Variants in PLA2G4A observed in about 807,000 individuals in gnomAD.
PLA2G4A encodes the protein cytosolic phospholipase A2.
Under a neutral mutation model 81.9 loss-of-function variants are expected in PLA2G4A, and 40 were observed. The observed-to-expected ratio is 0.49, with a 90% CI of 0.38 to 0.64. The LOEUF (loss-of-function observed/expected upper bound fraction) is 0.64. Among genes scored for constraint, PLA2G4A ranks in the 30% least tolerant of loss-of-function variants. The probability of loss-of-function intolerance (pLI) is 0.00; values close to 1 mark genes in which losing one functional copy is unlikely to be tolerated. For synonymous variants in PLA2G4A, 302 were observed against 296.9 expected (o/e 1.02, Z -0.18); for missense variants, 715 against 905.1 (o/e 0.79, Z 2.69).
chr1:186,870,599 G>T, intron 3 of PLA2G4A, 83 bp downstream of exon 3: 1 of 1,180,664 alleles, frequency 8.5e-7, no homozygotes, highest in South Asian at 1.3e-5. Flanking sequence ...CAAATCGGAG[G>T]TTCTGCCTTC....
chr1:186,912,297 C>T (rs1402061366), intron 7 of PLA2G4A, among the ~76,000 whole-genome samples: 1 of 152,160 alleles, frequency 6.6e-6, no homozygotes, highest in African/African-American at 2.4e-5. Flanking sequence ...ATCAGTGAAC[C>T]CACATTGACA....
intron 3 of PLA2G4A, among the ~76,000 whole-genome samples, chr1:186,872,000 C>T (rs1367015981): frequency 1.3e-5 from 2 of 151,808 alleles, no homozygotes; most frequent in East Asian, 3.9e-4. Context: ...GAGGAGAGTC[C>T]AGGAAGTTGG....
chr1:186,891,183 A>G (rs546302883), intron 3 of PLA2G4A, among the ~76,000 whole-genome samples: 1 of 151,642 alleles, frequency 6.6e-6, no homozygotes, highest in Admixed American at 6.6e-5. Context: ...ATGGGTACAT[A>G]GTAGGTGTAT....
chr1:186,863,415 T>C (rs1652886353), intron 2 of PLA2G4A, among the ~76,000 whole-genome samples: 1 of 152,214 alleles, frequency 6.6e-6, no homozygotes, highest in African/African-American at 2.4e-5. Flanking sequence ...TGTTCCATTG[T>C]ATTATACATT....
At chr1:186,974,183 TTC>T (rs1225318170) in intron 15 of PLA2G4A, among the ~76,000 whole-genome samples, 5 of 152,166 alleles carry the variant, frequency 3.3e-5, no homozygotes, top group African/African-American at 1.2e-4. Flanking sequence ...TTGAATATAT[TTC>T]TGTTATTTAC....
chr1:186,935,064 C>T (rs1655893351), intron 8 of PLA2G4A, among the ~76,000 whole-genome samples: 1 of 151,664 alleles, frequency 6.6e-6, no homozygotes, highest in African/African-American at 2.4e-5. Flanking sequence ...ATGGAGACTG[C>T]AAATAAGCTG....
chr1:186,886,452 A>G (rs1653941448), intron 3 of PLA2G4A, among the ~76,000 whole-genome samples: 1 of 152,192 alleles, frequency 6.6e-6, no homozygotes, highest in South Asian at 2.1e-4. Context: ...AAAGGTTGAC[A>G]ATCGTAAAAG....
chr1:186,835,196 G>T (rs1439694579), intron 1 of PLA2G4A, among the ~76,000 whole-genome samples: 2 of 152,094 alleles, frequency 1.3e-5, no homozygotes, highest in East Asian at 3.8e-4. Flanking sequence ...GTTTTGACAG[G>T]ATAAGCAAGT....
chr1:186,862,650 C>T (rs533342795), intron 2 of PLA2G4A, among the ~76,000 whole-genome samples: 2 of 152,062 alleles, frequency 1.3e-5, no homozygotes, highest in Non-Finnish European at 2.9e-5. Flanking sequence ...GATCTATTAG[C>T]CTTAAGGTTC....
chr1:186,965,271 T>C, intron 14 of PLA2G4A, 138 bp from the exon 15 acceptor site: 4 of 677,090 alleles, frequency 5.9e-6, no homozygotes. Flanking sequence ...GTTGGTTTCA[T>C]GCCCAGCTCT....
intron 13 of PLA2G4A, among the ~76,000 whole-genome samples, chr1:186,953,832 G>T (rs532827758): frequency 6.6e-6 from 1 of 152,276 alleles, no homozygotes; most frequent in Admixed American, 6.5e-5. Flanking sequence ...TATTGAATAA[G>T]AAGAAGAAAA....
chr1:186,987,977 G>A (rs868596461), intron 17 of PLA2G4A, among the ~76,000 whole-genome samples: 2 of 151,942 alleles, frequency 1.3e-5, no homozygotes, highest in Non-Finnish European at 2.9e-5. Flanking sequence ...TACTTTCCTG[G>A]TGGTCTTTTT....
intron 1 of PLA2G4A, among the ~76,000 whole-genome samples, chr1:186,848,118 C>A (rs1652251391): frequency 6.6e-6 from 1 of 152,068 alleles, no homozygotes; most frequent in African/African-American, 2.4e-5. Context: ...GAAAAAAACA[C>A]AAGCCCCCAG....
intron 17 of PLA2G4A, among the ~76,000 whole-genome samples, chr1:186,980,269 C>G (rs1657679282): frequency 6.6e-6 from 1 of 152,140 alleles, no homozygotes; most frequent in Non-Finnish European, 1.5e-5. Context: ...TTTGAGATGT[C>G]AAGTATGCTT....
chr1:186,841,900 A>T (rs1651994439), intron 1 of PLA2G4A, among the ~76,000 whole-genome samples: 1 of 151,362 alleles, frequency 6.6e-6, no homozygotes, highest in Admixed American at 6.6e-5. Flanking sequence ...TGCTTCGTTT[A>T]TGTAGAATGT....
At position 186,904,670 on chromosome 1, in the gene PLA2G4A, C is replaced by T. The variant is rs11802826; in HGVS notation, c.379-2295C>T. On this transcript the variant is annotated intron_variant, in intron 5 of 17. Coordinates refer to ENST00000367466, the MANE Select transcript of PLA2G4A (RefSeq NM_024420.3). The stretch of plus-strand genomic sequence containing the variant: ...CAGAAAAATCCTGTGCCTTCTCTTC[C>T]GTTATCCTGCCTTTGTTTAAAGAGT... Among the ~76,000 whole-genome samples, 283 of 152,292 alleles carry T rather than the reference C, an allele frequency of 1.9e-3. 3 individuals carry two copies. Among genetic ancestry groups the T allele is most frequent in the African/African-American group, 6.4e-3 (264 of 41,564 alleles).
Position 186,894,195 on chromosome 1 carries a change from C to G in PLA2G4A, c.362C>G (p.Pro121Arg). The G allele has an allele frequency of 2.3e-6, 3 of 1,284,478 alleles. No individual in the cohort carries two copies. In the South Asian group the frequency reaches 3.5e-5, roughly 15 times the overall value. The allele number at this position is 1,284,478 out of a possible 1,614,324, so 79.6% of individuals were successfully genotyped here. ...AAGGTGGGAGAAAAGAAAGAAGTTC[C>G]TTTTATTTTCAACCAAGTAAGTAAC... ...SMKVGEKKEV[P>R]FIFNQVTEMV... is the part of the protein sequence containing the mutation. The change falls in exon 5 of 18, where the codon CCT (proline) becomes CGT (arginine). Residue 121 changes from proline to arginine, a missense_variant. Pro to Arg is a moderately radical substitution (Grantham distance 103, BLOSUM62 -2). Coordinates refer to ENST00000367466, the MANE Select transcript of PLA2G4A (RefSeq NM_024420.3).
At chr1:186,927,359 G>A (rs1384275466) in intron 7 of PLA2G4A, among the ~76,000 whole-genome samples, 2 of 152,064 alleles carry the variant, frequency 1.3e-5, no homozygotes, top group African/African-American at 4.8e-5. Context: ...GGGGATTTTT[G>A]GTGTGTTTTG....
At chr1:186,917,001 T>C (rs6425055) in intron 7 of PLA2G4A, among the ~76,000 whole-genome samples, 85,588 of 151,820 alleles carry the variant, frequency 0.56, 25,739 homozygotes, top group African/African-American at 0.78. Context: ...AGAGTCACTT[T>C]GCAGGGGTTG....
Sources: gnomAD v4.1 joint callset for allele counts (sites outside exome capture counted in the v4.1 genomes callset) on GRCh38, gnomAD v4.1.1 for gene constraint, MANE v1.5 for transcripts, NCBI Gene and HGNC (gene_info 2026-07-23, HGNC 2026-07-21) for gene names.